SCAF8: variants seen among roughly 807,000 people sequenced by gnomAD.
The protein encoded by SCAF8 is SR-related CTD associated factor 8.
Under a neutral mutation model 140.5 loss-of-function variants are expected in SCAF8, and 23 were observed. The observed-to-expected ratio is 0.16, with a 90% CI of 0.12 to 0.23. The LOEUF (loss-of-function observed/expected upper bound fraction) is 0.23. Ranked by LOEUF, SCAF8 falls within the 10% of genes least tolerant of loss-of-function variation. The pLI is 1.00. For missense variants in SCAF8, 1,397 were observed against 1,555.7 expected (o/e 0.90, Z 1.72); for synonymous variants, 575 against 528.9 (o/e 1.09, Z -1.20).
At position 154,795,098 on chromosome 6, in the gene SCAF8, G is replaced by A. The variant is rs1777562896; in HGVS notation, c.565G>A (p.Ala189Thr). The A allele has an allele frequency of 6.2e-7, 1 of 1,613,336 alleles. No individual in the cohort carries two copies. Among genetic ancestry groups the A allele is most frequent in the African/African-American group, 1.3e-5 (1 of 74,794 alleles). The change falls in exon 6 of 20, where the codon GCG becomes ACG. Residue 189 changes from alanine (A) to threonine (T), a missense_variant. Coordinates refer to ENST00000367178, the MANE Select transcript of SCAF8 (RefSeq NM_014892.5). ...VSQITNTDTL[A>T]AVAQILQSPQ... ...TCAGATAACAAATACAGATACACTT[G>A]CGGCTGTAGCTCAGATCTTGCAAAG... is the stretch of plus-strand genomic sequence containing the variant.
intron 6 of SCAF8, among the ~76,000 whole-genome samples, chr6:154,798,903 G>A (rs143017971): frequency 0.015 from 2,328 of 151,450 alleles, 87 homozygotes; most frequent in Middle Eastern, 0.048. Context: ...GGACTGAAGC[G>A]ATCCTCCCGC....
intron 19 of SCAF8, 84 bp downstream of exon 19, chr6:154,831,224 C>T (rs374669676): frequency 2.6e-6 from 2 of 766,066 alleles, no homozygotes; most frequent in African/African-American, 3.5e-5. Flanking sequence ...CGTTTGTAAC[C>T]ACTTCAATCT....
chr6:154,748,619 A>G (rs1346649545), intron 1 of SCAF8, among the ~76,000 whole-genome samples: 3 of 152,190 alleles, frequency 2.0e-5, no homozygotes, highest in African/African-American at 7.2e-5. Context: ...TTTAACATCA[A>G]GAAATAAGGT....
intron 4 of SCAF8, among the ~76,000 whole-genome samples, chr6:154,791,156 G>T (rs965664128): frequency 2.6e-5 from 4 of 152,092 alleles, no homozygotes; most frequent in Non-Finnish European, 5.9e-5. Context: ...ATATTTTTCT[G>T]CCTATTAAGT....
At chr6:154,815,315 A>G (rs980044968) in intron 12 of SCAF8, among the ~76,000 whole-genome samples, 1 of 152,202 alleles carries the variant, frequency 6.6e-6, no homozygotes, top group Non-Finnish European at 1.5e-5. Flanking sequence ...AAATAAATAA[A>G]TAAAAGGTTC....
intron 12 of SCAF8, among the ~76,000 whole-genome samples, chr6:154,812,546 C>G (rs9371352): frequency 0.5 from 75,298 of 151,822 alleles, 19,396 homozygotes; most frequent in East Asian, 0.9. Context: ...GATTGTTTAC[C>G]TCACAACTCT....
Position 154,755,517 on chromosome 6 carries a change from C to T in SCAF8, c.31-18472C>T, listed in dbSNP as rs538054883. ...CCTCCCGCCTCGGCCTCCCAAAGTG[C>T]TGGGATGCCTGACCCAGATTATTAG... is the stretch of plus-strand genomic sequence containing the variant. On this transcript the variant is annotated intron_variant, in intron 1 of 19. Coordinates refer to ENST00000367178, the MANE Select transcript of SCAF8 (RefSeq NM_014892.5). Among the ~76,000 whole-genome samples the T allele has an allele frequency of 9.3e-4, 141 of 152,254 alleles. 1 individual carries two copies. The highest frequency in any genetic ancestry group is 1.5e-3 in the Non-Finnish European group (105 of 68,018).
chr6:154,829,054 A>G (rs2114693320), intron 18 of SCAF8, among the ~76,000 whole-genome samples: 1 of 152,282 alleles, frequency 6.6e-6, no homozygotes, highest in East Asian at 1.9e-4. Context: ...GTATCTATAA[A>G]TATTTGTTTG....
intron 1 of SCAF8, among the ~76,000 whole-genome samples, chr6:154,760,935 C>T (rs1198415731): frequency 6.6e-6 from 1 of 151,988 alleles, no homozygotes; most frequent in Non-Finnish European, 1.5e-5. Flanking sequence ...AGGCATGCAC[C>T]CCCATGTCCC....
At chr6:154,747,047 C>A (rs940185725) in intron 1 of SCAF8, among the ~76,000 whole-genome samples, 1 of 152,036 alleles carries the variant, frequency 6.6e-6, no homozygotes, top group Non-Finnish European at 1.5e-5. Context: ...GGTAAGAGAT[C>A]CAATAGTGCA....
chr6:154,778,631 G>A (rs1776983997), intron 3 of SCAF8, among the ~76,000 whole-genome samples: 1 of 152,238 alleles, frequency 6.6e-6, no homozygotes, highest in East Asian at 1.9e-4. Context: ...TGACCTGGTA[G>A]TGCATGCCTG....
At chr6:154,772,412 G>A (rs979397740) in intron 1 of SCAF8, among the ~76,000 whole-genome samples, 2 of 152,162 alleles carry the variant, frequency 1.3e-5, no homozygotes, top group East Asian at 1.9e-4. Flanking sequence ...GAGGTAGGCC[G>A]GGCACTGTGG....
intron 17 of SCAF8, among the ~76,000 whole-genome samples, chr6:154,825,953 A>T (rs1778554819): frequency 6.6e-6 from 1 of 152,182 alleles, no homozygotes. Flanking sequence ...ATATATATAT[A>T]GTTTTTCCAA....
intron 1 of SCAF8, among the ~76,000 whole-genome samples, chr6:154,741,304 A>G (rs1470662064): frequency 6.6e-6 from 1 of 152,222 alleles, no homozygotes; most frequent in African/African-American, 2.4e-5. Flanking sequence ...GTGGAGTTCA[A>G]TTATTTCATT....
Position 154,832,836 on chromosome 6 carries a change from G to A in SCAF8, c.3257G>A (p.Gly1086Asp), listed in dbSNP as rs377229942. The change falls in exon 20 of 20, where the codon GGC becomes GAC. Residue 1086 changes from glycine to aspartate, a missense_variant. Physicochemically the swap from Gly to Asp is moderately conservative, Grantham distance 94. This residue lies in a region of SCAF8 where 930 missense variants were observed against 874.6 expected (regional missense o/e 1.06). Coordinates refer to ENST00000367178, the MANE Select transcript of SCAF8 (RefSeq NM_014892.5). ...CATCTTGGTCGAAGAGACCACTTTG[G>A]CTTTAATCCAGAGAAGCCCTGGGGG... ...IDHLGRRDHF[G>D]FNPEKPWGHR... 1 of 1,613,878 alleles carries A rather than the reference G, an allele frequency of 6.2e-7. No individual in the cohort carries two copies.
intron 15 of SCAF8, among the ~76,000 whole-genome samples, chr6:154,821,137 A>G (rs1237959237): frequency 6.6e-6 from 1 of 152,104 alleles, no homozygotes; most frequent in African/African-American, 2.4e-5. Context: ...GTCAGGCCCA[A>G]TTTTAGGAAC....
chr6:154,817,975 A>G (rs774163256), intron 13 of SCAF8, among the ~76,000 whole-genome samples: 103 of 152,272 alleles, frequency 6.8e-4, no homozygotes, highest in Middle Eastern at 6.8e-3. Context: ...TTTATCATCA[A>G]TTGTTTCAGA....
intron 13 of SCAF8, among the ~76,000 whole-genome samples, chr6:154,817,201 G>A (rs535851107): frequency 6.6e-6 from 1 of 152,224 alleles, no homozygotes; most frequent in Admixed American, 6.5e-5. Flanking sequence ...GCCCATGCTC[G>A]ATGTCTTCAA....
intron 13 of SCAF8, among the ~76,000 whole-genome samples, chr6:154,816,805 G>A (rs1056138509): frequency 1.1e-4 from 16 of 152,272 alleles, no homozygotes; most frequent in African/African-American, 3.6e-4. Flanking sequence ...TTTGAGTTGA[G>A]TTGAACCATT....
Sources: gnomAD v4.1 joint callset for allele counts (sites outside exome capture counted in the v4.1 genomes callset) on GRCh38, gnomAD v4.1.1 for gene constraint, gnomAD v4.1.1 regional missense constraint, MANE v1.5 for transcripts, NCBI Gene and HGNC (gene_info 2026-07-23, HGNC 2026-07-21) for gene names.